PARN: variants seen among roughly 807,000 people sequenced by gnomAD.
PARN encodes the protein poly(A)-specific ribonuclease.
A neutral mutation model predicts 102.8 loss-of-function variants in PARN; 71 were observed. The ratio of observed to expected loss-of-function variants is 0.69; its 90% CI spans 0.57 to 0.84. The LOEUF (loss-of-function observed/expected upper bound fraction) is 0.84. Ranked by LOEUF, PARN falls within the 40% of genes least tolerant of loss-of-function variation. The pLI, the probability that PARN is intolerant of heterozygous loss-of-function variation, is 0.00. For synonymous variants in PARN, 261 were observed against 252.9 expected (o/e 1.03, Z -0.30); for missense variants, 782 against 760.9 (o/e 1.03, Z -0.33).
At chr16:14,584,519 G>T in intron 15 of PARN, 97 bp from the exon 16 acceptor site, 1 of 958,612 alleles carries the variant, frequency 1.0e-6, no homozygotes, top group Non-Finnish European at 1.6e-6. Flanking sequence ...ACAGCATCTA[G>T]TACTGTCTCC....
rs148084570 is a variant in PARN, at chr16:14,513,303, T to C, written c.1481-30476A>G. ...ATTAACGTAATATAAACTGCTCATA[T>C]ATAATACAAACATGAACTATTTACT... On this transcript the variant is annotated intron_variant, in intron 21 of 23. Transcript: ENST00000437198. Among the ~76,000 whole-genome samples the C allele has an allele frequency of 1.2e-4, 18 of 152,316 alleles. No individual in the cohort carries two copies. In the East Asian group the frequency reaches 3.3e-3, roughly 28 times the overall value.
chr16:14,496,980 G>A (rs563642242), intron 21 of PARN, among the ~76,000 whole-genome samples: 16 of 152,256 alleles, frequency 1.1e-4, no homozygotes, highest in African/African-American at 3.9e-4. Context: ...CACCGTGCTG[G>A]ACTGCCGTGC....
At chr16:14,599,423 A>T (rs1041101772) in intron 12 of PARN, among the ~76,000 whole-genome samples, 1 of 152,080 alleles carries the variant, frequency 6.6e-6, no homozygotes, top group Non-Finnish European at 1.5e-5. Context: ...CATTTACACA[A>T]ATGGCCAATA....
chr16:14,542,796 C>T (rs1056834789), intron 21 of PARN, among the ~76,000 whole-genome samples: 18 of 151,638 alleles, frequency 1.2e-4, no homozygotes, highest in Non-Finnish European at 2.4e-4. Flanking sequence ...GACAAAGAAA[C>T]GAACACAGAA....
intron 22 of PARN, among the ~76,000 whole-genome samples, chr16:14,472,557 G>A (rs1272062388): frequency 2.6e-5 from 4 of 152,212 alleles, no homozygotes; most frequent in Non-Finnish European, 4.4e-5. Context: ...CAAAGAGGAG[G>A]GAAAGGTGGT....
chr16:14,587,821 A>T (rs1596764140), intron 13 of PARN, among the ~76,000 whole-genome samples: 1 of 152,392 alleles, frequency 6.6e-6, no homozygotes, highest in Non-Finnish European at 1.5e-5. Flanking sequence ...CTACTCTACA[A>T]CAAATCACTT....
intron 21 of PARN, among the ~76,000 whole-genome samples, chr16:14,503,279 A>G (rs1964716534): frequency 6.6e-6 from 1 of 152,156 alleles, no homozygotes; most frequent in Non-Finnish European, 1.5e-5. Flanking sequence ...ATACATGTCA[A>G]TTTGTATTCT....
intron 1 of PARN, 113 bp from the exon 2 acceptor site, chr16:14,629,787 C>T (rs1209238972): frequency 2.4e-6 from 2 of 826,442 alleles, no homozygotes; most frequent in East Asian, 2.5e-5. Flanking sequence ...GGAAAAGTCC[C>T]GGAGGTGTGC....
chr16:14,620,347 A>T (rs956305205), intron 5 of PARN, among the ~76,000 whole-genome samples: 5 of 152,248 alleles, frequency 3.3e-5, no homozygotes, highest in African/African-American at 9.6e-5. Context: ...ACTGCACTCC[A>T]GCCTGGGCGA....
At position 14,584,430 on chromosome 16, in the gene PARN, C is replaced by G. The variant is rs1317212969; in HGVS notation, c.1006-8G>C. 1.9e-6 allele frequency: 3 copies of G among 1,608,824 alleles called. No homozygotes were observed. Among genetic ancestry groups the G allele is most frequent in the Non-Finnish European group, 1.7e-6 (2 of 1,175,952 alleles). On this transcript the variant is annotated splice_polypyrimidine_tract_variant and splice_region_variant and intron_variant, in intron 15 of 23. Transcript: ENST00000437198. ...TGTGTTGTTAATGATATCCTGCAAA[C>G]CACGAAGCAAAGAATTATGAGATTT...
intron 21 of PARN, among the ~76,000 whole-genome samples, chr16:14,504,682 C>G (rs1296886981): frequency 6.6e-6 from 1 of 152,112 alleles, no homozygotes; most frequent in African/African-American, 2.4e-5. Context: ...CTCTGGCTAG[C>G]TATTTGGGAA....
At position 14,482,494 on chromosome 16, in the gene PARN, C is replaced by A. The variant is rs941763212; in HGVS notation, c.1670+144G>T. ...TCTCTAAAATACAGGAAATTCAGGTCATAGTCACTTCTGATATGATGTGAA... is the reference window on the plus strand; with the variant it reads ...TCTCTAAAATACAGGAAATTCAGGTAATAGTCACTTCTGATATGATGTGAA... On this transcript the variant is annotated intron_variant, in intron 22 of 23. Coordinates refer to ENST00000437198, the MANE Select transcript of PARN (RefSeq NM_002582.4). 7 of 577,682 alleles carry A rather than the reference C, an allele frequency of 1.2e-5. No homozygotes were observed. In the Admixed American group the frequency reaches 2.2e-4, roughly 18 times the overall value. 35.8% of individuals were successfully genotyped at this position (577,682 alleles called of 1,614,324 possible).
chr16:14,624,122 C>T (rs1972492228), intron 5 of PARN, among the ~76,000 whole-genome samples: 1 of 152,158 alleles, frequency 6.6e-6, no homozygotes, highest in South Asian at 2.1e-4. Context: ...TCTCACTGCG[C>T]ACACAGGGTC....
intron 18 of PARN, among the ~76,000 whole-genome samples, chr16:14,571,746 C>A (rs187200708): frequency 6.6e-6 from 1 of 152,280 alleles, no homozygotes; most frequent in East Asian, 1.9e-4. Flanking sequence ...CTCATTTCAT[C>A]CTCACAACAA....
At chr16:14,466,952 C>T (rs1028710391) in intron 22 of PARN, among the ~76,000 whole-genome samples, 2 of 151,956 alleles carry the variant, frequency 1.3e-5, no homozygotes, top group African/African-American at 4.8e-5. Flanking sequence ...AAGTATACTA[C>T]TCCTTCACAA....
chr16:14,612,154 T>C (rs943732171), intron 6 of PARN, among the ~76,000 whole-genome samples: 8 of 152,098 alleles, frequency 5.3e-5, no homozygotes, highest in African/African-American at 1.9e-4. Context: ...AGTAACACCT[T>C]GCGGCCGGGC....
At chr16:14,574,677 C>T (rs1969007988) in intron 18 of PARN, among the ~76,000 whole-genome samples, 1 of 152,044 alleles carries the variant, frequency 6.6e-6, no homozygotes, top group Non-Finnish European at 1.5e-5. Flanking sequence ...TGTGCCACTG[C>T]ACTCCAGCCT....
intron 18 of PARN, chr16:14,558,341 T>C (rs1236920263): frequency 6.6e-6 from 1 of 151,778 alleles, no homozygotes; most frequent in Admixed American, 6.6e-5. Flanking sequence ...CTACTAAAAA[T>C]ACAAAAAATT....
intron 18 of PARN, among the ~76,000 whole-genome samples, chr16:14,573,971 A>G (rs537534708): frequency 6.6e-6 from 1 of 152,362 alleles, no homozygotes; most frequent in African/African-American, 2.4e-5. Flanking sequence ...GGGGCTGCTG[A>G]AAAGCTATCA....
Sources: gnomAD v4.1 joint callset for allele counts (sites outside exome capture counted in the v4.1 genomes callset) on GRCh38, gnomAD v4.1.1 for gene constraint, MANE v1.5 for transcripts, NCBI Gene and HGNC (gene_info 2026-07-23, HGNC 2026-07-21) for gene names.